The following IL17RA variants were observed in gnomAD, a reference collection of about 807,000 sequenced individuals.
IL17RA encodes interleukin 17 receptor A.
A neutral mutation model predicts 50.4 loss-of-function variants in IL17RA; 34 were observed. The observed-to-expected ratio is 0.67, with a 90% CI of 0.51 to 0.90. The LOEUF is 0.90. Ranked by LOEUF, IL17RA falls within the 40% of genes least tolerant of loss-of-function variation. IL17RA has a pLI of 0.00. For missense variants in IL17RA, 1,276 were observed against 1,169.8 expected, an observed-to-expected ratio of 1.09 and a Z score of -1.32; for synonymous variants, 585 against 510.4, an observed-to-expected ratio of 1.15 and a Z score of -1.97.
chr22:17,109,233 G>A lies in IL17RA; in HGVS notation c.2014G>A (p.Ala672Thr), dbSNP rs1262180152. Residue 672 changes from alanine (A) to threonine (T), a missense_variant, in exon 13 of 13, where the codon GCA becomes ACA. Physicochemically the swap from Ala to Thr is moderately conservative, Grantham distance 58. Transcript: ENST00000319363. ...PQPLHTLVLA[A>T]EEGALVAAVE... ...GCCCCTCCACACCCTGGTGCTCGCC[G>A]CAGAGGAGGGGGCCCTGGTGGCCGC... The A allele has an allele frequency of 1.4e-5, 21 of 1,492,308 alleles. No individual in the cohort carries two copies. Among genetic ancestry groups the A allele is most frequent in the Non-Finnish European group, 1.9e-5 (21 of 1,126,866 alleles). 92.4% of individuals were successfully genotyped at this position (1,492,308 alleles called of 1,614,324 possible). A position where few individuals can be genotyped will look rare whatever the true frequency, so the allele number is the denominator to read the frequency against.
At position 17,100,599 on chromosome 22, in the gene IL17RA, T is replaced by C. The variant is rs571571409; in HGVS notation, c.550+118T>C. 27 of 1,322,920 alleles carry C rather than the reference T, an allele frequency of 2.0e-5. No individual in the cohort carries two copies. The South Asian group carries it at 3.0e-4, about 15-fold the overall frequency. The allele number at this position is 1,322,920 out of a possible 1,614,324, so 81.9% of individuals were successfully genotyped here. A position where few individuals can be genotyped will look rare whatever the true frequency, so the allele number is the denominator to read the frequency against. The stretch of plus-strand genomic sequence containing the variant: ...GACATTGGCTGGCATTGCCAGCACC[T>C]GGGACCCACAGAACAAACAGAGGCC... On this transcript the variant is annotated intron_variant, in intron 5 of 12. Coordinates refer to ENST00000319363, the MANE Select transcript of IL17RA (RefSeq NM_014339.7).
At chr22:17,093,975 C>CTTTATTTTATCTTACTTTATTTTAT (rs2061356655) in intron 1 of IL17RA, 1 of 147,538 alleles carries the variant, frequency 6.8e-6, no homozygotes, top group Non-Finnish European at 1.5e-5. Context: ...TTTTATCTTA[C>CTTTATTTTATCTTACTTTATTTTAT]TTTATTTTAT....
chr22:17,108,255 G>C, intron 12 of IL17RA, 52 bp from the exon 13 acceptor site: 1 of 1,585,712 alleles, frequency 6.3e-7, no homozygotes, highest in Non-Finnish European at 8.6e-7. Flanking sequence ...CAGGCACAGA[G>C]CTGCCCTGGG....
Position 17,108,924 on chromosome 22 carries a change from G to C in IL17RA, c.1705G>C (p.Ala569Pro). The C allele has an allele frequency of 1.2e-6, 2 of 1,611,688 alleles. No individual in the cohort carries two copies. Among genetic ancestry groups the C allele is most frequent in the Non-Finnish European group, 1.7e-6 (2 of 1,179,564 alleles). The stretch of plus-strand genomic sequence containing the variant: ...GAGCCCGGGCGGCAGGCAGCTCCGC[G>C]CCGCCCTGGACAGGTTCCGGGACTG... ...LRSPGGRQLR[A>P]ALDRFRDWQV... is the part of the protein sequence containing the mutation. The change falls in exon 13 of 13, where the codon GCC becomes CCC. Residue 569 changes from alanine (A) to proline (P), a missense_variant. Physicochemically the swap from Ala to Pro is conservative, Grantham distance 27. Coordinates refer to ENST00000319363, the MANE Select transcript of IL17RA (RefSeq NM_014339.7).
At chr22:17,096,157 T>C (rs534071340) in intron 1 of IL17RA, among the ~76,000 whole-genome samples, 97 of 152,312 alleles carry the variant, frequency 6.4e-4, no homozygotes, top group African/African-American at 2.1e-3. Flanking sequence ...TCCTAATGGT[T>C]ACATTTCCCT....
At chr22:17,086,306 T>G (rs1466447466) in intron 1 of IL17RA, among the ~76,000 whole-genome samples, 4 of 152,008 alleles carry the variant, frequency 2.6e-5, no homozygotes, top group Non-Finnish European at 5.9e-5. Context: ...CAAAGGGATA[T>G]TTCTCCTTAT....
chr22:17,114,064 C>G lies in IL17RA; in HGVS notation c.*4244C>G, dbSNP rs1249198022. ...TCCCATATTTGGCGTCTCTCAGGAGCTCAGGAAGTACTTGGCTGAGTGAAC... is the reference window on the plus strand; with the variant it reads ...TCCCATATTTGGCGTCTCTCAGGAGGTCAGGAAGTACTTGGCTGAGTGAAC... On this transcript the variant is annotated 3_prime_UTR_variant, in exon 13 of 13. Transcript: ENST00000319363. The G allele has an allele frequency of 3.3e-5, 5 of 152,206 alleles. No individual in the cohort carries two copies. Among genetic ancestry groups the G allele is most frequent in the Non-Finnish European group, 7.3e-5 (5 of 68,032 alleles). The allele number at this position is 152,206 out of a possible 1,614,324, so 9.4% of individuals were successfully genotyped here.
At chr22:17,104,397 T>A (rs1309956704) in intron 8 of IL17RA, among the ~76,000 whole-genome samples, 65 of 103,980 alleles carry the variant, frequency 6.3e-4, no homozygotes, top group Non-Finnish European at 7.1e-4. Flanking sequence ...AGGTGGAGAG[T>A]GTGGTGTGGA....
chr22:17,100,248 T>C (rs1053009805), intron 4 of IL17RA, 107 bp from the exon 5 acceptor site: 1 of 1,389,166 alleles, frequency 7.2e-7, no homozygotes, highest in African/African-American at 1.4e-5. Flanking sequence ...TTTGTTCTTA[T>C]TTTTGGCTGA....
In IL17RA at chr22:17,109,515, G is replaced by A. The variant is rs779762104; in HGVS notation, c.2296G>A (p.Gly766Arg). 9.4e-6 allele frequency: 15 copies of A among 1,599,174 alleles called. No individual in the cohort carries two copies. Among genetic ancestry groups the A allele is most frequent in the Admixed American group, 3.4e-5 (2 of 58,116 alleles). Residue 766 changes from glycine to arginine, a missense_variant, in exon 13 of 13, where the codon GGG becomes AGG. By Grantham distance (125) the Gly-to-Arg change is moderately radical. Transcript: ENST00000319363. ...FEQSLSCQAQ[G>R]GCSRPAMVLT... is the part of the protein sequence containing the mutation. ...GCAGAGTCTGAGCTGCCAGGCCCAG[G>A]GGGGCTGCAGTAGACCCGCCATGGT... is the stretch of plus-strand genomic sequence containing the variant.
intron 1 of IL17RA, among the ~76,000 whole-genome samples, chr22:17,088,163 C>T (rs2061334942): frequency 6.6e-6 from 1 of 152,168 alleles, no homozygotes; most frequent in African/African-American, 2.4e-5. Context: ...AGATTGAAAG[C>T]AGGCTGTGCT....
At chr22:17,106,542 G>A (rs955705757) in intron 11 of IL17RA, among the ~76,000 whole-genome samples, 1 of 152,202 alleles carries the variant, frequency 6.6e-6, no homozygotes, top group South Asian at 2.1e-4. Flanking sequence ...GTGGGGATTA[G>A]TACATACCAG....
chr22:17,109,685 G>A lies in IL17RA; in HGVS notation c.2466G>A (p.Gly822=), dbSNP rs373070776. The A allele has an allele frequency of 5.9e-5, 94 of 1,585,930 alleles. 1 individual carries two copies. In the East Asian group the frequency reaches 1.4e-3, roughly 23 times the overall value. Residue 822 remains glycine, a synonymous_variant, in exon 13 of 13, where the codon GGG becomes GGA. Transcript: ENST00000319363. ...AGGAGGAAGAGGAGCAGGACCCAGGGAAGCCGGCCCTGCCACTCTCTCCCG... is the reference window on the plus strand; with the variant it reads ...AGGAGGAAGAGGAGCAGGACCCAGGAAAGCCGGCCCTGCCACTCTCTCCCG... The part of the protein sequence containing the change: ...EEEEEEEQDP[G]KPALPLSPED...
At chr22:17,107,618 C>A in intron 11 of IL17RA, 109 bp from the exon 12 acceptor site, 1 of 935,086 alleles carries the variant, frequency 1.1e-6, no homozygotes, top group Non-Finnish European at 1.8e-6. Context: ...AGTCTCGGGG[C>A]TGCCCCCTTA....
At chr22:17,106,205 A>G (rs1002123571) in intron 11 of IL17RA, among the ~76,000 whole-genome samples, 5 of 152,222 alleles carry the variant, frequency 3.3e-5, no homozygotes, top group East Asian at 1.9e-4. Flanking sequence ...ATTAAAATCA[A>G]TAGTTTGGAA....
intron 1 of IL17RA, among the ~76,000 whole-genome samples, chr22:17,094,691 C>CTCTATATATATATATATA (rs1448096911): frequency 1.6e-4 from 4 of 24,702 alleles, no homozygotes; most frequent in Admixed American, 4.5e-4. Flanking sequence ...CTCTCTCTCT[C>CTCTATATATATATATATA]TATATATATA....
chr22:17,097,348 A>G (rs1427903427), intron 2 of IL17RA: 2 of 550,332 alleles, frequency 3.6e-6, no homozygotes, highest in African/African-American at 1.9e-5. Context: ...GCCCTACTGT[A>G]TCTATAATAT....
In IL17RA at chr22:17,094,671, C is replaced by G. The variant is rs1035487146; in HGVS notation, c.139-2391C>G. Among the ~76,000 whole-genome samples, 248 of 40,662 alleles carry G rather than the reference C, an allele frequency of 6.1e-3. 8 individuals are homozygous for G. The highest frequency in any genetic ancestry group is 9.8e-3 in the Non-Finnish European group (196 of 20,018). 26.7% of individuals were successfully genotyped at this position (40,662 alleles called of 152,430 possible). A position where few individuals can be genotyped will look rare whatever the true frequency, so the allele number is the denominator to read the frequency against. ...TCATACACACACTCTCTCTCTCTCT[C>G]TCTCTCTCTCTCTCTCTCTCTATAT... On this transcript the variant is annotated intron_variant, in intron 1 of 12. Coordinates refer to ENST00000319363, the MANE Select transcript of IL17RA (RefSeq NM_014339.7).
At chr22:17,107,838 TGG>T in intron 12 of IL17RA, 70 bp downstream of exon 12, 1 of 1,399,858 alleles carries the variant, frequency 7.1e-7, no homozygotes, top group Non-Finnish European at 1.0e-6. Flanking sequence ...GATAAGTGCG[TGG>T]GTCGCCTCCT....
Sources: gnomAD v4.1 joint callset for allele counts (sites outside exome capture counted in the v4.1 genomes callset) on GRCh38, gnomAD v4.1.1 for gene constraint, MANE v1.5 for transcripts, NCBI Gene and HGNC (gene_info 2026-07-23, HGNC 2026-07-21) for gene names.